The following KIAA1958 variants were observed in gnomAD, a reference collection of about 807,000 sequenced individuals.
The protein encoded by KIAA1958 is uncharacterized protein KIAA1958.
Under a neutral mutation model 47.2 loss-of-function variants are expected in KIAA1958, and 14 were observed. The observed-to-expected ratio is 0.30, with a 90% CI of 0.20 to 0.46. The LOEUF (loss-of-function observed/expected upper bound fraction) is 0.46, where lower values mean the gene tolerates loss of function less well. Among genes scored for constraint, KIAA1958 ranks in the 20% least tolerant of loss-of-function variants. The probability of loss-of-function intolerance (pLI) is 1.00; values close to 1 mark genes in which losing one functional copy is unlikely to be tolerated. For synonymous variants in KIAA1958, 354 were observed against 353.3 expected (o/e 1.00, Z -0.02); for missense variants, 803 against 909.2 (o/e 0.88, Z 1.50).
chr9:112,552,837 C>T (rs1835175555), intron 1 of KIAA1958, among the ~76,000 whole-genome samples: 1 of 152,114 alleles, frequency 6.6e-6, no homozygotes, highest in South Asian at 2.1e-4. Context: ...GTGTACAATT[C>T]AAGTCGGCAT....
At chr9:112,595,653 G>A (rs1263666406) in intron 2 of KIAA1958, among the ~76,000 whole-genome samples, 1 of 138,204 alleles carries the variant, frequency 7.2e-6, no homozygotes, top group Non-Finnish European at 1.5e-5. Flanking sequence ...CATCCAACCT[G>A]GGCGACAGAG....
At position 112,659,345 on chromosome 9, in the gene KIAA1958, C is replaced by T; in HGVS notation, c.1427C>T (p.Thr476Ile). The T allele has an allele frequency of 1.2e-6, 2 of 1,614,128 alleles. No homozygotes were observed. The highest frequency in any genetic ancestry group is 1.1e-5 in the South Asian group (1 of 91,080). The stretch of plus-strand genomic sequence containing the variant: ...AGCGACGGCTCGGACTTCCTGGCCA[C>T]CTCGCTCCATGCTATTCGCCGAGGC... ...KKSDGSDFLA[T>I]SLHAIRRGLD... Residue 476 changes from threonine to isoleucine, a missense_variant, in exon 4 of 4, where the codon ACC becomes ATC. Physicochemically the swap from Thr to Ile is moderately conservative, Grantham distance 89. Transcript: ENST00000337530.
chr9:112,505,427 A>T (rs1053471490), intron 1 of KIAA1958, among the ~76,000 whole-genome samples: 1 of 152,228 alleles, frequency 6.6e-6, no homozygotes, highest in African/African-American at 2.4e-5. Context: ...GTGTGAGTAG[A>T]GTGCCAGGCA....
chr9:112,560,320 C>T (rs1588018019), intron 1 of KIAA1958, among the ~76,000 whole-genome samples: 1 of 151,284 alleles, frequency 6.6e-6, no homozygotes, highest in Admixed American at 6.6e-5. Flanking sequence ...CCTCCCTCAG[C>T]CTCTCGAGTA....
Position 112,664,560 on chromosome 9 carries a change from A to C in KIAA1958, c.*4491A>C, listed in dbSNP as rs1034109401. 1.3e-5 allele frequency: 2 copies of C among 152,270 alleles called. No individual in the cohort carries two copies. The highest frequency in any genetic ancestry group is 2.9e-5 in the Non-Finnish European group (2 of 68,046). The allele number at this position is 152,270 out of a possible 1,614,324, so 9.4% of individuals were successfully genotyped here. ...TAGTTAAAAGCTGGTAACAGCTCTG[A>C]ACAGAAGTATGTATTAAATGTTTCA... On this transcript the variant is annotated 3_prime_UTR_variant, in exon 4 of 4. Transcript: ENST00000337530.
At chr9:112,543,567 C>CTTTTTTTTTTT (rs138422704) in intron 1 of KIAA1958, among the ~76,000 whole-genome samples, 83 of 108,166 alleles carry the variant, frequency 7.7e-4, no homozygotes, top group African/African-American at 2.8e-3. Context: ...TTCTGAGCTT[C>CTTTTTTTTTTT]TTTTTTTTTT....
At chr9:112,534,390 AAAT>A (rs767115865) in intron 1 of KIAA1958, among the ~76,000 whole-genome samples, 34 of 152,160 alleles carry the variant, frequency 2.2e-4, no homozygotes, top group Non-Finnish European at 4.4e-4. Context: ...GTCAGCCAAA[AAAT>A]GATGTCAGGG....
At chr9:112,537,599 C>T (rs1834877554) in intron 1 of KIAA1958, among the ~76,000 whole-genome samples, 1 of 152,220 alleles carries the variant, frequency 6.6e-6, no homozygotes, top group Non-Finnish European at 1.5e-5. Flanking sequence ...GATACTATTA[C>T]TGTACACCTG....
Position 112,618,159 on chromosome 9 carries a change from G to A in KIAA1958, c.1172-27491G>A, listed in dbSNP as rs1451767337. The A allele has an allele frequency of 6.4e-7, 1 of 1,550,572 alleles. No individual in the cohort carries two copies. The highest frequency in any genetic ancestry group is 1.2e-5 in the South Asian group (1 of 84,052). ...CACAGGTATGGCTATAGCATCACCA[G>A]GGATAAGGAATTCAAGCGTTCCCAA... On this transcript the variant is annotated intron_variant, in intron 2 of 3. Coordinates refer to ENST00000337530, the MANE Select transcript of KIAA1958 (RefSeq NM_133465.4). The surrounding 1 kb of genome is among the most constrained non-coding windows in gnomAD (Gnocchi z 7.1).
chr9:112,626,597 A>G (rs916917626), intron 2 of KIAA1958, among the ~76,000 whole-genome samples: 1 of 152,106 alleles, frequency 6.6e-6, no homozygotes, highest in Non-Finnish European at 1.5e-5. Context: ...TTTTATGTCC[A>G]TTTATTTTCT....
intron 1 of KIAA1958, among the ~76,000 whole-genome samples, chr9:112,568,338 C>G (rs964716464): frequency 2.0e-5 from 3 of 152,132 alleles, no homozygotes; most frequent in Admixed American, 6.5e-5. Context: ...CTACTAAGAT[C>G]TTGAGAAATT....
chr9:112,538,853 A>G (rs1834896291), intron 1 of KIAA1958, among the ~76,000 whole-genome samples: 1 of 152,212 alleles, frequency 6.6e-6, no homozygotes, highest in Non-Finnish European at 1.5e-5. Context: ...TTACAGTATT[A>G]AATCATTGAT....
intron 1 of KIAA1958, among the ~76,000 whole-genome samples, chr9:112,536,926 TATCTC>T (rs1029410292): frequency 2.6e-5 from 4 of 151,858 alleles, no homozygotes; most frequent in African/African-American, 4.8e-5. Flanking sequence ...CAGGAACAAA[TATCTC>T]AAATAAGAAC....
intron 3 of KIAA1958, among the ~76,000 whole-genome samples, chr9:112,657,254 G>A (rs190899913): frequency 2.8e-4 from 43 of 151,686 alleles, no homozygotes; most frequent in Admixed American, 2.1e-3. Flanking sequence ...CACTATGCCC[G>A]GCTAATTTTT....
chr9:112,511,287 T>G (rs1030178392), intron 1 of KIAA1958, among the ~76,000 whole-genome samples: 9 of 152,156 alleles, frequency 5.9e-5, no homozygotes, highest in Non-Finnish European at 1.2e-4. Context: ...TCAGAAACTC[T>G]GGGGGTGAGG....
intron 1 of KIAA1958, among the ~76,000 whole-genome samples, chr9:112,498,855 C>T (rs1834087448): frequency 6.6e-6 from 1 of 152,150 alleles, no homozygotes; most frequent in Non-Finnish European, 1.5e-5. Flanking sequence ...TCCTATCTAG[C>T]TGTAATTTTG....
intron 3 of KIAA1958, among the ~76,000 whole-genome samples, chr9:112,650,881 T>C (rs1837045645): frequency 6.6e-6 from 1 of 152,198 alleles, no homozygotes; most frequent in African/African-American, 2.4e-5. Context: ...ATAAGAAACC[T>C]GAAGTAGCTG....
At chr9:112,619,075 G>A (rs1836455093) in intron 2 of KIAA1958, 2 of 688,966 alleles carry the variant, frequency 2.9e-6, no homozygotes, top group African/African-American at 1.9e-5. Flanking sequence ...AGCCAATGGA[G>A]ATAATTTAGT....
intron 1 of KIAA1958, among the ~76,000 whole-genome samples, chr9:112,561,668 A>G (rs912592315): frequency 6.6e-6 from 1 of 152,114 alleles, no homozygotes. Context: ...CAGCCTGGCC[A>G]ACATAGTGGA....
Sources: allele counts gnomAD v4.1 joint callset (sites outside exome capture counted in the v4.1 genomes callset), GRCh38; gene constraint gnomAD v4.1.1; non-coding constraint Gnocchi (gnomAD v3.1); transcripts MANE v1.5; gene names NCBI Gene and HGNC (gene_info 2026-07-23, HGNC 2026-07-21).